The following NFIA variants were observed in gnomAD, a reference collection of about 807,000 sequenced individuals.
NFIA encodes the protein nuclear factor 1 A-type.
Under a neutral mutation model 62.8 loss-of-function variants are expected in NFIA, and 8 were observed. The ratio of observed to expected loss-of-function variants is 0.13; its 90% CI spans 0.07 to 0.23. The LOEUF (loss-of-function observed/expected upper bound fraction) is 0.23, where lower values mean the gene tolerates loss of function less well. Ranked by LOEUF, NFIA falls within the 10% of genes least tolerant of loss-of-function variation. The pLI is 1.00. For missense variants in NFIA, 410 were observed against 642.1 expected, an observed-to-expected ratio of 0.64 and a Z score of 3.91; for synonymous variants, 235 against 238.1, an observed-to-expected ratio of 0.99 and a Z score of 0.12.
At chr1:61,326,169 C>A (rs191286619) in intron 3 of NFIA, among the ~76,000 whole-genome samples, 3 of 152,160 alleles carry the variant, frequency 2.0e-5, no homozygotes, top group Non-Finnish European at 2.9e-5. Flanking sequence ...GTGGAGGGAG[C>A]TTTATGGCCA....
chr1:61,216,892 C>T (rs565478639), intron 2 of NFIA, among the ~76,000 whole-genome samples: 10 of 151,604 alleles, frequency 6.6e-5, no homozygotes, highest in South Asian at 4.2e-4. Context: ...CCCAGCTACC[C>T]GGGAGGCTGA....
chr1:61,184,669 C>T (rs929382735), intron 2 of NFIA, among the ~76,000 whole-genome samples: 7 of 152,174 alleles, frequency 4.6e-5, no homozygotes, highest in African/African-American at 1.7e-4. Flanking sequence ...TGCCAAAATT[C>T]AACAAAATAA....
At chr1:61,385,962 C>G (rs1309714601) in intron 7 of NFIA, 2 of 152,154 alleles carry the variant, frequency 1.3e-5, no homozygotes, top group African/African-American at 4.8e-5. Context: ...GCTTAGTGGT[C>G]TGGTGAAGGG....
intron 2 of NFIA, among the ~76,000 whole-genome samples, chr1:61,266,850 A>G (rs561744315): frequency 5.9e-5 from 9 of 152,374 alleles, no homozygotes; most frequent in African/African-American, 2.2e-4. Flanking sequence ...TATGCTTTAG[A>G]AAACCTGCTT....
rs1447289748 is a variant in NFIA at position 61,404,144 on chromosome 1, A to G, written c.1116A>G (p.Thr372=). 2 of 1,614,142 alleles carry G rather than the reference A, an allele frequency of 1.2e-6. No homozygotes were observed. Among genetic ancestry groups the G allele is most frequent in the Non-Finnish European group, 1.7e-6 (2 of 1,180,030 alleles). Residue 372 remains threonine, a synonymous_variant, in exon 8 of 11, where the codon ACA becomes ACG. Transcript: ENST00000403491. The part of the protein sequence containing the change: ...HATPSTLHFP[T]SPIIQQPGPY... ...CACCATCGACTCTTCATTTCCCGAC[A>G]TCACCCATTATCCAGCAGCCTGGGC... is the stretch of plus-strand genomic sequence containing the variant.
chr1:61,244,963 C>T (rs568221561), intron 2 of NFIA, among the ~76,000 whole-genome samples: 2 of 152,250 alleles, frequency 1.3e-5, no homozygotes, highest in South Asian at 4.2e-4. Context: ...GAGATTTAAA[C>T]ATTTTTTTCT....
At chr1:61,198,244 A>C (rs1004522749) in intron 2 of NFIA, among the ~76,000 whole-genome samples, 1 of 152,246 alleles carries the variant, frequency 6.6e-6, no homozygotes, top group Non-Finnish European at 1.5e-5. Context: ...TTCACGGTTT[A>C]ACAAGTTTTC....
intron 4 of NFIA, 52 bp downstream of exon 4, chr1:61,332,638 A>C: frequency 6.5e-7 from 1 of 1,528,632 alleles, no homozygotes. Flanking sequence ...GTTTGTGCTT[A>C]CTTTCTGCCT....
Position 61,352,439 on chromosome 1 carries a change from C to T in NFIA, c.701-11C>T. 2 of 1,587,328 alleles carry T rather than the reference C, an allele frequency of 1.3e-6. No individual in the cohort carries two copies. The highest frequency in any genetic ancestry group is 1.7e-6 in the Non-Finnish European group (2 of 1,158,274). On this transcript the variant is annotated splice_polypyrimidine_tract_variant and intron_variant, in intron 4 of 10. Transcript: ENST00000403491. ...AATTTAACTGATTTTTGTTTGTTTTCTTAATTCTAGCACCAATAGCTGCAG... is the reference window on the plus strand; with the variant it reads ...AATTTAACTGATTTTTGTTTGTTTTTTTAATTCTAGCACCAATAGCTGCAG...
chr1:61,252,778 G>GT (rs1345751509), intron 2 of NFIA, among the ~76,000 whole-genome samples: 1 of 152,188 alleles, frequency 6.6e-6, no homozygotes, highest in Non-Finnish European at 1.5e-5. Flanking sequence ...AAGTTAAAAT[G>GT]TTTAAGGTGC....
intron 2 of NFIA, among the ~76,000 whole-genome samples, chr1:61,172,473 C>T (rs1428748152): frequency 6.6e-6 from 1 of 152,204 alleles, no homozygotes; most frequent in African/African-American, 2.4e-5. Flanking sequence ...GTTCCATTAG[C>T]ACCCTTGAAA....
chr1:61,082,488 G>C, upstream of NFIA: 1 of 1,123,426 alleles, frequency 8.9e-7, no homozygotes, highest in Non-Finnish European at 1.1e-6. Flanking sequence ...CGCGGGAGCG[G>C]GAAAGGGTGC....
At chr1:61,340,858 T>C (rs1661860914) in intron 4 of NFIA, among the ~76,000 whole-genome samples, 1 of 152,188 alleles carries the variant, frequency 6.6e-6, no homozygotes, top group Non-Finnish European at 1.5e-5. Context: ...TCCTCTGTTT[T>C]GAGCATTGTT....
At chr1:61,157,412 T>C (rs1206018440) in intron 2 of NFIA, among the ~76,000 whole-genome samples, 1 of 151,952 alleles carries the variant, frequency 6.6e-6, no homozygotes, top group South Asian at 2.1e-4. Flanking sequence ...ATAATGTCAA[T>C]AGAGGAAGAA....
At chr1:61,133,561 G>A (rs1380522696) in intron 2 of NFIA, among the ~76,000 whole-genome samples, 2 of 152,174 alleles carry the variant, frequency 1.3e-5, no homozygotes, top group Non-Finnish European at 2.9e-5. Flanking sequence ...CAAAATGAAT[G>A]TAAATTGACA....
chr1:61,128,034 T>G (rs567863694), intron 2 of NFIA, among the ~76,000 whole-genome samples: 3 of 152,306 alleles, frequency 2.0e-5, no homozygotes, highest in African/African-American at 7.2e-5. Flanking sequence ...TGGCAAATCT[T>G]ATTTCATGTG....
intron 2 of NFIA, among the ~76,000 whole-genome samples, chr1:61,272,313 C>CT (rs1657558309): frequency 6.6e-6 from 1 of 152,112 alleles, no homozygotes; most frequent in African/African-American, 2.4e-5. Flanking sequence ...ACACGTCAGT[C>CT]TTTAAGGTCA....
At chr1:61,078,305 G>T (rs79569776), upstream of NFIA, among the ~76,000 whole-genome samples, 1,248 of 151,310 alleles carry the variant, frequency 8.2e-3, 15 homozygotes, top group African/African-American at 0.028. Context: ...CATGAATCGT[G>T]TGCCTTCTTC....
intron 3 of NFIA, among the ~76,000 whole-genome samples, chr1:61,283,581 C>CAAAAAAAAAAAAAAAAAAAAAAAAAAA: frequency 2.7e-5 from 1 of 36,694 alleles, no homozygotes; most frequent in East Asian, 9.2e-4. Context: ...GACTCTGTCT[C>CAAAAAAAAAAAAAAAAAAAAAAAAAAA]AAAAAAAAAA....
Sources: gnomAD v4.1 joint callset for allele counts (sites outside exome capture counted in the v4.1 genomes callset) on GRCh38, gnomAD v4.1.1 for gene constraint, MANE v1.5 for transcripts, NCBI Gene and HGNC (gene_info 2026-07-23, HGNC 2026-07-21) for gene names.